Variants in USP48 observed in about 807,000 individuals in gnomAD.
The protein encoded by USP48 is ubiquitin specific peptidase 48, also known as ubiquitin carboxyl-terminal hydrolase 48.
Under a neutral mutation model 150.7 loss-of-function variants are expected in USP48, and 43 were observed. The observed-to-expected ratio is 0.29, with a 90% CI of 0.22 to 0.37. The LOEUF is 0.37. Among genes scored for constraint, USP48 ranks in the 10% least tolerant of loss-of-function variants. The pLI is 1.00. For missense variants in USP48, 813 were observed against 1,249.6 expected (o/e 0.65, Z 5.27); for synonymous variants, 396 against 425.9 (o/e 0.93, Z 0.86).
At chr1:21,698,282 T>C (rs2097643601) in intron 22 of USP48, among the ~76,000 whole-genome samples, 1 of 152,194 alleles carries the variant, frequency 6.6e-6, no homozygotes, top group Admixed American at 6.5e-5. Context: ...TAAAACATTT[T>C]AGAGTATTAC....
intron 1 of USP48, among the ~76,000 whole-genome samples, chr1:21,767,854 T>G (rs537688703): frequency 1.3e-5 from 2 of 152,224 alleles, no homozygotes; most frequent in African/African-American, 4.8e-5. Flanking sequence ...GATTTTCATG[T>G]AATGCCTCAT....
chr1:21,748,850 G>T (rs1163296144), intron 6 of USP48, among the ~76,000 whole-genome samples: 1 of 152,186 alleles, frequency 6.6e-6, no homozygotes, highest in Non-Finnish European at 1.5e-5. Context: ...GGTGGAGCTT[G>T]CAGTAAGCTG....
At chr1:21,768,903 G>A (rs1350962944) in intron 1 of USP48, among the ~76,000 whole-genome samples, 1 of 152,098 alleles carries the variant, frequency 6.6e-6, no homozygotes, top group African/African-American at 2.4e-5. Context: ...GGCCTCAAGT[G>A]ATCCTCCCGT....
intron 15 of USP48, among the ~76,000 whole-genome samples, chr1:21,711,927 C>T (rs1336688506): frequency 6.6e-6 from 1 of 152,226 alleles, no homozygotes; most frequent in Non-Finnish European, 1.5e-5. Flanking sequence ...TTCCAACAGA[C>T]AACTAAATAC....
chr1:21,738,571 T>C (rs2097774035), intron 8 of USP48, among the ~76,000 whole-genome samples: 1 of 151,564 alleles, frequency 6.6e-6, no homozygotes, highest in Non-Finnish European at 1.5e-5. Flanking sequence ...TTGGCCAAGC[T>C]GGTCTCAAAC....
chr1:21,761,684 T>C (rs1307422335), intron 1 of USP48, among the ~76,000 whole-genome samples: 2 of 151,738 alleles, frequency 1.3e-5, no homozygotes, highest in African/African-American at 2.4e-5. Flanking sequence ...AGCCTAGGAG[T>C]TGGAGGCTGC....
chr1:21,679,082 G>A lies in USP48; in HGVS notation c.*335C>T. 1 of 398,928 alleles carries A rather than the reference G, an allele frequency of 2.5e-6. No individual in the cohort carries two copies. The highest frequency in any genetic ancestry group is 2.6e-5 in the South Asian group (1 of 38,670). 24.7% of individuals were successfully genotyped at this position (398,928 alleles called of 1,614,324 possible). On this transcript the variant is annotated 3_prime_UTR_variant, in exon 27 of 27. Coordinates refer to ENST00000308271, the MANE Select transcript of USP48 (RefSeq NM_032236.8). The stretch of plus-strand genomic sequence containing the variant: ...GAAACTCGAGCAAGGAAATATAACA[G>A]AACTTTATTCCCCTCCCACGACTAT...
intron 1 of USP48, among the ~76,000 whole-genome samples, chr1:21,768,739 C>G (rs930954651): frequency 6.6e-6 from 1 of 151,530 alleles, no homozygotes; most frequent in African/African-American, 2.4e-5. Context: ...CACCCTAAGC[C>G]CAGCATACCC....
chr1:21,748,376 C>T, intron 6 of USP48, 105 bp from the exon 7 acceptor site: 1 of 1,055,662 alleles, frequency 9.5e-7, no homozygotes, highest in Non-Finnish European at 1.3e-6. Flanking sequence ...ATAGCTCTCA[C>T]TTAAGCTACT....
intron 6 of USP48, among the ~76,000 whole-genome samples, chr1:21,748,953 A>G (rs1163191869): frequency 1.3e-5 from 2 of 152,176 alleles, no homozygotes; most frequent in African/African-American, 4.8e-5. Flanking sequence ...GTAGTGTAAA[A>G]ACGATATATG....
At chr1:21,765,820 T>C (rs2097860458) in intron 1 of USP48, among the ~76,000 whole-genome samples, 1 of 136,970 alleles carries the variant, frequency 7.3e-6, no homozygotes, top group South Asian at 2.3e-4. Flanking sequence ...AGGAGAATAG[T>C]TTGAAACTAC....
intron 1 of USP48, among the ~76,000 whole-genome samples, chr1:21,765,641 A>G (rs1456939757): frequency 6.6e-6 from 1 of 151,322 alleles, no homozygotes; most frequent in Non-Finnish European, 1.5e-5. Flanking sequence ...GGACAGCCCG[A>G]AGCTGAACAA....
chr1:21,701,538 T>C lies in USP48; in HGVS notation c.2687A>G (p.Glu896Gly). 1 of 1,614,082 alleles carries C rather than the reference T, an allele frequency of 6.2e-7. No homozygotes were observed. The highest frequency in any genetic ancestry group is 8.5e-7 in the Non-Finnish European group (1 of 1,179,960). ...SSSETEEDKE[E>G]AKPDGEKDPD... Reference sequence around the variant, plus strand: ...ATCTTTTTCTCCATCTGGTTTAGCTTCTTCCTTGTCCTCCTCTGTTTCAGA... The same window carrying C: ...ATCTTTTTCTCCATCTGGTTTAGCTCCTTCCTTGTCCTCCTCTGTTTCAGA... Residue 896 changes from glutamate (E) to glycine (G), a missense_variant, in exon 22 of 27, where the codon GAA becomes GGA. Transcript: ENST00000308271.
chr1:21,717,913 GCAACAGAGGGAGACTCCGT>G (rs2152538682), intron 14 of USP48, among the ~76,000 whole-genome samples: 1 of 152,308 alleles, frequency 6.6e-6, no homozygotes, highest in South Asian at 2.1e-4. Flanking sequence ...TCCAGACTGG[GCAACAGAGGGAGACTCCGT>G]CTCAAAAACA....
intron 8 of USP48, among the ~76,000 whole-genome samples, chr1:21,740,064 A>G (rs2097777868): frequency 6.6e-6 from 1 of 152,180 alleles, no homozygotes; most frequent in Non-Finnish European, 1.5e-5. Context: ...GGCATGCGCC[A>G]CCATGCCTGG....
At chr1:21,718,742 G>A (rs752541260) in intron 14 of USP48, among the ~76,000 whole-genome samples, 4 of 151,948 alleles carry the variant, frequency 2.6e-5, no homozygotes, top group Non-Finnish European at 5.9e-5. Context: ...ATTTTTAGTA[G>A]AGAAGGGGTT....
At chr1:21,773,566 G>A (rs1294362677) in intron 1 of USP48, among the ~76,000 whole-genome samples, 1 of 152,112 alleles carries the variant, frequency 6.6e-6, no homozygotes, top group African/African-American at 2.4e-5. Context: ...AAAATAAGAT[G>A]CTATTTTTCG....
intron 11 of USP48, chr1:21,728,111 T>G: frequency 1.0e-6 from 1 of 986,004 alleles, no homozygotes; most frequent in Non-Finnish European, 1.2e-6. Flanking sequence ...TTTCTACTCT[T>G]AGCATAATAT....
chr1:21,778,015 C>T (rs564365925), intron 1 of USP48, among the ~76,000 whole-genome samples: 38 of 149,578 alleles, frequency 2.5e-4, no homozygotes, highest in Non-Finnish European at 2.8e-4. Flanking sequence ...TGGCGGTGTG[C>T]GCCTGTAGTC....
Sources: gnomAD v4.1 joint callset for allele counts (sites outside exome capture counted in the v4.1 genomes callset) on GRCh38, gnomAD v4.1.1 for gene constraint, MANE v1.5 for transcripts, NCBI Gene and HGNC (gene_info 2026-07-23, HGNC 2026-07-21) for gene names.